Variants in BCR observed in about 807,000 individuals in gnomAD.
BCR encodes the protein breakpoint cluster region protein.
Under a neutral mutation model 138.6 loss-of-function variants are expected in BCR, and 58 were observed. That is an observed-to-expected ratio of 0.42 (90% CI 0.34 to 0.52). BCR has a LOEUF of 0.52. Among genes scored for constraint, BCR ranks in the 20% least tolerant of loss-of-function variants. The pLI, the probability that BCR is intolerant of heterozygous loss-of-function variation, is 0.06. For synonymous variants in BCR, 786 were observed against 730.1 expected, an observed-to-expected ratio of 1.08 and a Z score of -1.23; for missense variants, 1,599 against 1,727.2, an observed-to-expected ratio of 0.93 and a Z score of 1.32.
intron 1 of BCR, among the ~76,000 whole-genome samples, chr22:23,214,218 T>G (rs75983511): frequency 9.2e-5 from 14 of 152,046 alleles, no homozygotes; most frequent in Middle Eastern, 3.2e-3. Flanking sequence ...TTTTTTTTTT[T>G]TGTGAGGGTT....
rs149249967 is a variant in BCR at position 23,253,737 on chromosome 22, T to C, written c.1280-62T>C. On this transcript the variant is annotated intron_variant, in intron 1 of 22. Transcript: ENST00000305877. ...GGTGTCAGCTGGGTGCTTGCTGGGATGGGTTGAGTATGGATGCTCCCTTCT... is the reference window on the plus strand; with the variant it reads ...GGTGTCAGCTGGGTGCTTGCTGGGACGGGTTGAGTATGGATGCTCCCTTCT... 4.8e-4 allele frequency: 733 copies of C among 1,541,360 alleles called. 7 individuals carry two copies. The African/African-American group carries it at 8.9e-3, about 19-fold the overall frequency.
chr22:23,313,260 A>C (rs2074028386), intron 20 of BCR, among the ~76,000 whole-genome samples: 2 of 152,350 alleles, frequency 1.3e-5, no homozygotes, highest in South Asian at 4.1e-4. Context: ...TGAAATAGTC[A>C]GCACTGCTGT....
intron 1 of BCR, among the ~76,000 whole-genome samples, chr22:23,194,670 C>T (rs1459007471): frequency 6.6e-6 from 1 of 152,034 alleles, no homozygotes; most frequent in Non-Finnish European, 1.5e-5. Context: ...CCTCGGCCTC[C>T]CAAAGTGCTG....
At chr22:23,182,891 AT>A (rs2072289956) in intron 1 of BCR, among the ~76,000 whole-genome samples, 1 of 152,004 alleles carries the variant, frequency 6.6e-6, no homozygotes, top group Non-Finnish European at 1.5e-5. Flanking sequence ...CTGCATGGAG[AT>A]TTTATCTGGG....
At chr22:23,290,022 A>T in intron 13 of BCR, 1 of 517,352 alleles carries the variant, frequency 1.9e-6, no homozygotes, top group South Asian at 2.1e-5. Context: ...TCACACACAC[A>T]GCATACGCTA....
At chr22:23,198,715 C>T (rs933015801) in intron 1 of BCR, among the ~76,000 whole-genome samples, 8 of 152,154 alleles carry the variant, frequency 5.3e-5, no homozygotes, top group African/African-American at 1.2e-4. Flanking sequence ...GGATCTAGGA[C>T]TGCTATGCAC....
chr22:23,220,268 G>A (rs1330789835), intron 1 of BCR, among the ~76,000 whole-genome samples: 1 of 152,198 alleles, frequency 6.6e-6, no homozygotes, highest in Admixed American at 6.5e-5. Flanking sequence ...TTCACCTACC[G>A]TCCATGGGAT....
chr22:23,271,697 C>G, intron 6 of BCR, 105 bp downstream of exon 6: 1 of 1,086,476 alleles, frequency 9.2e-7, no homozygotes, highest in Non-Finnish European at 1.4e-6. Flanking sequence ...TGGGTCATCC[C>G]TTGGTGCCTT....
intron 1 of BCR, among the ~76,000 whole-genome samples, chr22:23,197,515 G>GAGCA (rs1346596341): frequency 4.6e-5 from 7 of 152,182 alleles, no homozygotes; most frequent in Admixed American, 3.3e-4. Flanking sequence ...CTGCAGATGT[G>GAGCA]GAACTTGAGG....
chr22:23,288,355 T>A (rs750721230), intron 12 of BCR, among the ~76,000 whole-genome samples, 183 bp downstream of exon 12: 12 of 151,988 alleles, frequency 7.9e-5, no homozygotes, highest in Non-Finnish European at 1.5e-4. Flanking sequence ...AGCCCTCTTG[T>A]TCCCCTGCCA....
At chr22:23,244,358 AG>A (rs1370702723) in intron 1 of BCR, among the ~76,000 whole-genome samples, 1 of 152,194 alleles carries the variant, frequency 6.6e-6, no homozygotes, top group Non-Finnish European at 1.5e-5. Flanking sequence ...TTCTAGGGTT[AG>A]GATATGAACG....
intron 1 of BCR, among the ~76,000 whole-genome samples, chr22:23,232,868 A>C (rs1602043682): frequency 6.6e-6 from 1 of 152,242 alleles, no homozygotes; most frequent in African/African-American, 2.4e-5. Flanking sequence ...TTCTGGATCC[A>C]TTTGGCAAAG....
chr22:23,217,316 A>G (rs2072766459), intron 1 of BCR, among the ~76,000 whole-genome samples: 1 of 152,220 alleles, frequency 6.6e-6, no homozygotes, highest in Non-Finnish European at 1.5e-5. Flanking sequence ...GGTCCCATAA[A>G]CTTGCAGGCT....
chr22:23,251,788 T>G (rs769428941), intron 1 of BCR, among the ~76,000 whole-genome samples: 3 of 152,096 alleles, frequency 2.0e-5, no homozygotes, highest in Non-Finnish European at 2.9e-5. Flanking sequence ...CAGGGTGAGC[T>G]CTCAGAAGTC....
intron 6 of BCR, among the ~76,000 whole-genome samples, chr22:23,272,552 C>T (rs139938152): frequency 7.2e-5 from 11 of 152,216 alleles, no homozygotes; most frequent in East Asian, 3.9e-4. Context: ...CAGTGGGGCT[C>T]ATGTGCCTCT....
At chr22:23,183,325 T>C (rs1357454213) in intron 1 of BCR, among the ~76,000 whole-genome samples, 1 of 152,230 alleles carries the variant, frequency 6.6e-6, no homozygotes, top group East Asian at 1.9e-4. Flanking sequence ...GATTTTTCTT[T>C]TTCTGCTGAT....
chr22:23,293,526 G>A (rs1297640955), intron 15 of BCR, among the ~76,000 whole-genome samples: 1 of 152,164 alleles, frequency 6.6e-6, no homozygotes, highest in East Asian at 1.9e-4. Flanking sequence ...GGACATCCCT[G>A]CAGAAAGGGC....
Position 23,287,199 on chromosome 22 carries a change from AGAAGCT to A in BCR, c.2449_2454del (p.Lys817_Leu818del). ...AGCAAGGCTACGGAGAGGCTGAAGA[AGAAGCT>A]GTCGGAGCAGGAGTCACTGCTGCTG... is the stretch of plus-strand genomic sequence containing the variant. On this transcript the variant is annotated inframe_deletion, in exon 11 of 23. Transcript: ENST00000305877. 6.4e-7 allele frequency: 1 copy of A among 1,571,918 alleles called. No homozygotes were observed. The highest frequency in any genetic ancestry group is 8.6e-7 in the Non-Finnish European group (1 of 1,157,748).
chr22:23,289,780 G>C, intron 13 of BCR, 159 bp downstream of exon 13: 2 of 675,586 alleles, frequency 3.0e-6, no homozygotes, highest in Non-Finnish European at 5.2e-6. Context: ...CTCCTCCCAG[G>C]AGTGGACAAG....
Sources: gnomAD v4.1 joint callset for allele counts (sites outside exome capture counted in the v4.1 genomes callset) on GRCh38, gnomAD v4.1.1 for gene constraint, MANE v1.5 for transcripts, NCBI Gene and HGNC (gene_info 2026-07-23, HGNC 2026-07-21) for gene names.